NFIA: variants seen among roughly 807,000 people sequenced by gnomAD.
The protein encoded by NFIA is nuclear factor I A.
Under a neutral mutation model 62.8 loss-of-function variants are expected in NFIA, and 8 were observed. That is an observed-to-expected ratio of 0.13 (90% CI 0.07 to 0.23). The LOEUF (loss-of-function observed/expected upper bound fraction) is 0.23. Ranked by LOEUF, NFIA falls within the 10% of genes least tolerant of loss-of-function variation. The pLI is 1.00. For missense variants in NFIA, 410 were observed against 642.1 expected (o/e 0.64, Z 3.91); for synonymous variants, 235 against 238.1 (o/e 0.99, Z 0.12).
intron 3 of NFIA, among the ~76,000 whole-genome samples, chr1:61,301,021 G>A (rs1472995872): frequency 6.6e-6 from 1 of 151,960 alleles, no homozygotes; most frequent in African/African-American, 2.4e-5. Flanking sequence ...GGCAGCCAAA[G>A]GAAAAAGAGA....
At chr1:61,132,630 A>G (rs1446191564) in intron 2 of NFIA, 1 of 152,100 alleles carries the variant, frequency 6.6e-6, no homozygotes, top group Non-Finnish European at 1.5e-5. Flanking sequence ...CTAAAAAGAC[A>G]ATTAAGGAGA....
At position 61,088,623 on chromosome 1, in the gene NFIA, A is replaced by G. The variant is rs1646261970; in HGVS notation, c.502A>G (p.Ile168Val). The change falls in exon 2 of 11, where the codon ATA becomes GTA. Residue 168 changes from isoleucine to valine, a missense_variant. By Grantham distance (29) the Ile-to-Val change is conservative (BLOSUM62 3). This residue lies in a region of NFIA where 298 missense variants were observed against 438.1 expected (regional missense o/e 0.68). Transcript: ENST00000403491. This position sits in a 1 kb window ranked among gnomAD's most constrained non-coding sequence, Gnocchi z 4.5. The part of the protein sequence containing the change: ...NPGLCVQPHH[I>V]GVSVKELDLY... ...AGGGCTCTGTGTCCAACCCCATCAC[A>G]TAGGGGTTTCTGTTAAGGAACTCGA... 6.2e-7 allele frequency: 1 copy of G among 1,614,080 alleles called. No homozygotes were observed. Among genetic ancestry groups the G allele is most frequent in the Admixed American group, 1.7e-5 (1 of 60,012 alleles).
chr1:61,221,176 A>G (rs1653992623), intron 2 of NFIA, among the ~76,000 whole-genome samples: 1 of 152,206 alleles, frequency 6.6e-6, no homozygotes, highest in Non-Finnish European at 1.5e-5. Context: ...AAATAATACT[A>G]TCAGAATAAC....
chr1:61,278,308 T>C (rs1657935296), intron 3 of NFIA, among the ~76,000 whole-genome samples: 1 of 152,128 alleles, frequency 6.6e-6, no homozygotes, highest in Non-Finnish European at 1.5e-5. Flanking sequence ...AAACTATCGG[T>C]TTCAATAAAA....
chr1:61,417,005 A>G (rs1666378396), intron 9 of NFIA, among the ~76,000 whole-genome samples: 1 of 152,142 alleles, frequency 6.6e-6, no homozygotes, highest in Non-Finnish European at 1.5e-5. Context: ...GAAAAAGATT[A>G]AGAGATAAGC....
chr1:61,303,247 A>G (rs555037809), intron 3 of NFIA, among the ~76,000 whole-genome samples: 1 of 152,334 alleles, frequency 6.6e-6, no homozygotes, highest in African/African-American at 2.4e-5. Flanking sequence ...GAAATATTTA[A>G]TGAGCCCATA....
At chr1:61,111,831 C>T (rs945067872) in intron 2 of NFIA, among the ~76,000 whole-genome samples, 2 of 151,994 alleles carry the variant, frequency 1.3e-5, no homozygotes, top group Non-Finnish European at 2.9e-5. Context: ...CTGTCACTTA[C>T]AATATAAAAA....
chr1:61,091,507 C>T (rs773538973), intron 2 of NFIA, among the ~76,000 whole-genome samples: 10 of 152,136 alleles, frequency 6.6e-5, no homozygotes, highest in Non-Finnish European at 1.2e-4. Context: ...GGAGTGATTT[C>T]ATAAGCCTGA....
intron 2 of NFIA, among the ~76,000 whole-genome samples, chr1:61,247,334 T>C (rs1346985387): frequency 1.3e-5 from 2 of 152,246 alleles, no homozygotes; most frequent in East Asian, 1.9e-4. Context: ...TTTCGTGATA[T>C]GCAGTGGCAC....
intron 2 of NFIA, among the ~76,000 whole-genome samples, chr1:61,126,396 G>A (rs1646967119): frequency 6.7e-6 from 1 of 148,782 alleles, no homozygotes; most frequent in African/African-American, 2.5e-5. Context: ...TGCCAAAATG[G>A]CCTCTGCCAT....
upstream of NFIA, among the ~76,000 whole-genome samples, chr1:61,079,017 C>T (rs1228141490): frequency 6.6e-6 from 1 of 152,192 alleles, no homozygotes; most frequent in African/African-American, 2.4e-5. Flanking sequence ...GGGCTCTTTC[C>T]CTTCTTTGGA....
intron 2 of NFIA, among the ~76,000 whole-genome samples, chr1:61,128,985 C>T (rs372685214): frequency 5.2e-5 from 7 of 133,836 alleles, no homozygotes; most frequent in African/African-American, 1.4e-4. Context: ...TGCAGTGACA[C>T]GATCTCGGCT....
intron 4 of NFIA, among the ~76,000 whole-genome samples, chr1:61,338,718 G>T (rs1382974743): frequency 1.3e-5 from 2 of 152,202 alleles, no homozygotes; most frequent in Non-Finnish European, 2.9e-5. Flanking sequence ...TGCACAGAAG[G>T]ACTAATGAGG....
intron 1 of NFIA, among the ~76,000 whole-genome samples, chr1:61,085,971 A>G (rs1049501824): frequency 2.0e-5 from 3 of 152,190 alleles, no homozygotes; most frequent in Non-Finnish European, 4.4e-5. Context: ...GAGTATCTAC[A>G]GACACTTAAA....
chr1:61,407,334 G>A (rs74089324), intron 9 of NFIA, among the ~76,000 whole-genome samples: 5,373 of 152,186 alleles, frequency 0.035, 308 homozygotes, highest in African/African-American at 0.12. Context: ...TAGGATGGAA[G>A]GAGGAGAGAA....
rs1201897252 is a variant in NFIA at position 61,323,997 on chromosome 1, A to T, written c.626-8515A>T. On this transcript the variant is annotated intron_variant, in intron 3 of 10. Transcript: ENST00000403491. ...GGCAAGTGCCGTAAGACAAGCAGAG[A>T]AGTTCTCCTTAATTGAATAGTGTCT... Among the ~76,000 whole-genome samples the T allele has an allele frequency of 2.6e-5, 4 of 152,292 alleles. No homozygotes were observed. In the East Asian group the frequency reaches 7.7e-4, roughly 29 times the overall value.
In NFIA at chr1:61,444,929, G is replaced by A. The variant is rs192373680; in HGVS notation, c.1513-10374G>A. On this transcript the variant is annotated intron_variant, in intron 10 of 10. Transcript: ENST00000403491. Reference sequence around the variant, plus strand: ...AAAGTGACAGTAGAGGTGTGGGACCGTTTCAAACTAGCACTGTGTGTGTGT... The same window carrying A: ...AAAGTGACAGTAGAGGTGTGGGACCATTTCAAACTAGCACTGTGTGTGTGT... Among the ~76,000 whole-genome samples the A allele has an allele frequency of 2.6e-5, 4 of 152,302 alleles. No homozygotes were observed. The East Asian group carries it at 5.8e-4, about 22-fold the overall frequency.
chr1:61,218,023 G>T (rs1381755849), intron 2 of NFIA, among the ~76,000 whole-genome samples: 1 of 152,152 alleles, frequency 6.6e-6, no homozygotes, highest in Non-Finnish European at 1.5e-5. Flanking sequence ...TTTCCTTCTT[G>T]TTCAGCAAAA....
In NFIA at chr1:61,236,932, T is replaced by C. The variant is rs563689269; in HGVS notation, c.560-40588T>C. Among the ~76,000 whole-genome samples the C allele has an allele frequency of 2.6e-5, 4 of 152,348 alleles. 1 individual carries two copies. The South Asian group carries it at 8.3e-4, about 32-fold the overall frequency. ...ATAGCCAATGACTCTTTCATACTTT[T>C]ATTCCAGAGGCTGAGGTGTTTCATA... On this transcript the variant is annotated intron_variant, in intron 2 of 10. Coordinates refer to ENST00000403491, the MANE Select transcript of NFIA (RefSeq NM_001134673.4).
Sources: gnomAD v4.1 joint callset for allele counts (sites outside exome capture counted in the v4.1 genomes callset) on GRCh38, gnomAD v4.1.1 for gene constraint, gnomAD v4.1.1 regional missense constraint, Gnocchi (gnomAD v3.1) non-coding constraint, MANE v1.5 for transcripts, NCBI Gene and HGNC (gene_info 2026-07-23, HGNC 2026-07-21) for gene names.